Variants in IL5RA observed in about 807,000 individuals in gnomAD.
The protein encoded by IL5RA is interleukin-5 receptor subunit alpha.
IL5RA carries 49 observed loss-of-function variants against 50.0 expected under a neutral mutation model. That is an observed-to-expected ratio of 0.98 (90% CI 0.78 to 1.24). IL5RA has a LOEUF of 1.24. Among genes scored for constraint, IL5RA ranks in the 50% most tolerant of loss-of-function variants. The probability of loss-of-function intolerance (pLI) is 0.00; values close to 1 mark genes in which losing one functional copy is unlikely to be tolerated. For missense variants in IL5RA, 600 were observed against 500.4 expected (o/e 1.20, Z -1.90); for synonymous variants, 202 against 174.0 (o/e 1.16, Z -1.26).
chr3:3,086,046 G>C (rs163549), intron 9 of IL5RA, among the ~76,000 whole-genome samples: 1 of 151,980 alleles, frequency 6.6e-6, no homozygotes, highest in South Asian at 2.1e-4. Context: ...AGTCAAATTT[G>C]GGCCATCAAA....
intron 2 of IL5RA, among the ~76,000 whole-genome samples, chr3:3,107,201 A>G (rs957219959): frequency 2.6e-5 from 4 of 152,082 alleles, no homozygotes; most frequent in African/African-American, 4.8e-5. Flanking sequence ...GTTGTCCTAT[A>G]GGCAGCACAA....
Position 3,067,580 on chromosome 3 carries a change from C to T in IL5RA, c.*2645G>A, listed in dbSNP as rs541008424. ...GAGGCCCAGAATGAGAATCCAGAGGCGGGATCAACCAACTCTGCTTTTGAA... is the reference window on the plus strand; with the variant it reads ...GAGGCCCAGAATGAGAATCCAGAGGTGGGATCAACCAACTCTGCTTTTGAA... On this transcript the variant is annotated 3_prime_UTR_variant, in exon 12 of 12. Coordinates refer to ENST00000446632, the MANE Select transcript of IL5RA (RefSeq NM_175726.4). The T allele has an allele frequency of 4.6e-5, 7 of 152,338 alleles. No homozygotes were observed. Among genetic ancestry groups the T allele is most frequent in the Admixed American group, 1.3e-4 (2 of 15,286 alleles). The allele number at this position is 152,338 out of a possible 1,614,324, so 9.4% of individuals were successfully genotyped here.
chr3:3,082,715 C>T (rs1403911075), intron 9 of IL5RA, among the ~76,000 whole-genome samples: 2 of 152,224 alleles, frequency 1.3e-5, no homozygotes, highest in African/African-American at 2.4e-5. Flanking sequence ...TGGACCCAAA[C>T]TAGTCCCAGC....
intron 11 of IL5RA, among the ~76,000 whole-genome samples, chr3:3,070,600 T>TTTTTC (rs1559858213): frequency 2.4e-5 from 3 of 123,010 alleles, no homozygotes; most frequent in Non-Finnish European, 4.9e-5. Context: ...TTTTTTTTTT[T>TTTTTC]AGACAGAGTC....
chr3:3,099,521 C>T (rs1031692348), intron 5 of IL5RA, among the ~76,000 whole-genome samples: 8 of 151,886 alleles, frequency 5.3e-5, no homozygotes, highest in East Asian at 1.9e-4. Context: ...TCCAGCTACT[C>T]GGGAGGTTGA....
chr3:3,090,250 G>A, intron 9 of IL5RA: 4 of 1,597,536 alleles, frequency 2.5e-6, no homozygotes, highest in Non-Finnish European at 3.4e-6. Context: ...CCTTTATCTT[G>A]AGAACCCTAG....
In IL5RA at chr3:3,098,188, C is replaced by A; in HGVS notation, c.470G>T (p.Trp157Leu). The A allele has an allele frequency of 1.2e-6, 2 of 1,614,094 alleles. No homozygotes were observed. The highest frequency in any genetic ancestry group is 2.2e-5 in the South Asian group (2 of 91,080). Residue 157 changes from tryptophan to leucine, a missense_variant, in exon 6 of 12, where the codon TGG becomes TTG. Trp to Leu is a moderately conservative substitution (Grantham distance 61). Transcript: ENST00000446632. Reference protein sequence around the residue: ...RSYQVSLHCTWLVGTDAPEDT... With the variant: ...RSYQVSLHCTLLVGTDAPEDT... ...CTCAGGGGCATCTGTGCCAACAAGCCAGGTGCAGTGAAGGGAAACTTGGTA... is the reference window on the plus strand; with the variant it reads ...CTCAGGGGCATCTGTGCCAACAAGCAAGGTGCAGTGAAGGGAAACTTGGTA...
chr3:3,089,868 C>CGAA, intron 9 of IL5RA: 1 of 178,360 alleles, frequency 5.6e-6, no homozygotes, highest in Non-Finnish European at 1.2e-5. Context: ...CCACCTCGGC[C>CGAA]TCCCAAAGTG....
intron 5 of IL5RA, among the ~76,000 whole-genome samples, chr3:3,098,599 C>T (rs765805969): frequency 5.3e-5 from 8 of 151,978 alleles, no homozygotes; most frequent in Non-Finnish European, 2.9e-5. Flanking sequence ...GTAGAGCTGG[C>T]GTTTCACCAT....
chr3:3,109,115 A>T (rs1285138518), intron 1 of IL5RA, among the ~76,000 whole-genome samples: 1 of 152,108 alleles, frequency 6.6e-6, no homozygotes, highest in Non-Finnish European at 1.5e-5. Flanking sequence ...AGGGTATTAA[A>T]ATATTCTCGC....
Position 3,067,684 on chromosome 3 carries a change from G to C in IL5RA, c.*2541C>G, listed in dbSNP as rs1702168888. The C allele has an allele frequency of 6.6e-6, 1 of 152,298 alleles. No homozygotes were observed. Among genetic ancestry groups the C allele is most frequent in the Admixed American group, 6.5e-5 (1 of 15,284 alleles). 9.4% of individuals were successfully genotyped at this position (152,298 alleles called of 1,614,324 possible). ...TTGCACAGGGCAAGAAGGGAGGAAG[G>C]AGTTCCCAATCCACCAAGGAGGCCA... is the stretch of plus-strand genomic sequence containing the variant. On this transcript the variant is annotated 3_prime_UTR_variant, in exon 12 of 12. Coordinates refer to ENST00000446632, the MANE Select transcript of IL5RA (RefSeq NM_175726.4).
At chr3:3,107,736 T>G (rs1333564728) in intron 2 of IL5RA, among the ~76,000 whole-genome samples, 1 of 152,222 alleles carries the variant, frequency 6.6e-6, no homozygotes, top group Non-Finnish European at 1.5e-5. Flanking sequence ...ATTCCTCAAG[T>G]GCTCTCTAAA....
chr3:3,098,361 C>A, intron 5 of IL5RA, 71 bp from the exon 6 acceptor site: 1 of 1,383,294 alleles, frequency 7.2e-7, no homozygotes, highest in Non-Finnish European at 1.0e-6. Flanking sequence ...TCTTTTGGAA[C>A]TATAGTGATG....
In IL5RA at chr3:3,074,166, T is replaced by C. The variant is rs17879801; in HGVS notation, c.1176+616A>G. ...CTAAGAAAATGCATATTGGGTAAAA[T>C]AATTTGCCTTTTCTATGGTCTTTTT... On this transcript the variant is annotated intron_variant, in intron 11 of 11. Transcript: ENST00000446632. Among the ~76,000 whole-genome samples, 456 of 152,332 alleles carry C rather than the reference T, an allele frequency of 3.0e-3. 2 individuals carry two copies. Among genetic ancestry groups the C allele is most frequent in the African/African-American group, 0.01 (434 of 41,568 alleles).
intron 9 of IL5RA, among the ~76,000 whole-genome samples, chr3:3,083,433 G>A (rs1343976786): frequency 6.6e-6 from 1 of 152,158 alleles, no homozygotes; most frequent in Non-Finnish European, 1.5e-5. Context: ...GTGTACGTGT[G>A]TGTATTTGTG....
rs758709303 is a variant in IL5RA at position 3,076,581 on chromosome 3, A to G, written c.1041T>C (p.Ile347=). 41 of 1,612,816 alleles carry G rather than the reference A, an allele frequency of 2.5e-5. No individual in the cohort carries two copies. Among genetic ancestry groups the G allele is most frequent in the Non-Finnish European group, 3.1e-5 (37 of 1,179,002 alleles). ...KPLREWFVIV[I]MATICFILLI... The stretch of plus-strand genomic sequence containing the variant: ...ACAAGATGAAGCAGATGGTTGCCAT[A>G]ATCACAATGACAAACCACTCTCTCA... The change falls in exon 10 of 12, where the codon ATT becomes ATC. Residue 347 remains isoleucine, a synonymous_variant. Transcript: ENST00000446632.
Position 3,102,672 on chromosome 3 carries a change from T to TA in IL5RA, c.228+2dup. The stretch of plus-strand genomic sequence containing the variant: ...AAGGATATCCATTAGAATAAACACT[T>TA]ACGTCATCTTCTTTTGGAGCGTTTA... On this transcript the variant is annotated splice_region_variant and intron_variant, in intron 4 of 11. Transcript: ENST00000446632. The TA allele has an allele frequency of 6.4e-7, 1 of 1,572,056 alleles. No individual in the cohort carries two copies.
chr3:3,080,379 C>G (rs1055911177), intron 9 of IL5RA, among the ~76,000 whole-genome samples: 6 of 152,188 alleles, frequency 3.9e-5, no homozygotes, highest in African/African-American at 1.4e-4. Flanking sequence ...AGTCCGTGCT[C>G]TTAGCCTTGA....
At chr3:3,077,858 G>T (rs1393167620) in intron 9 of IL5RA, among the ~76,000 whole-genome samples, 1 of 152,194 alleles carries the variant, frequency 6.6e-6, no homozygotes, top group African/African-American at 2.4e-5. Flanking sequence ...TAACCTGCCG[G>T]ATTGAATAAT....
Sources: gnomAD v4.1 joint callset for allele counts (sites outside exome capture counted in the v4.1 genomes callset) on GRCh38, gnomAD v4.1.1 for gene constraint, MANE v1.5 for transcripts, NCBI Gene and HGNC (gene_info 2026-07-23, HGNC 2026-07-21) for gene names.